Variants in KCNK2 observed in about 807,000 individuals in gnomAD.
The protein encoded by KCNK2 is potassium channel subfamily K member 2.
Under a neutral mutation model 40.5 loss-of-function variants are expected in KCNK2, and 21 were observed. The observed-to-expected ratio is 0.52, with a 90% CI of 0.37 to 0.75. The LOEUF (loss-of-function observed/expected upper bound fraction) is 0.75, where lower values mean the gene tolerates loss of function less well. KCNK2 is among the 30% of genes least tolerant of loss of function. The pLI is 0.00. For synonymous variants in KCNK2, 191 were observed against 202.2 expected, an observed-to-expected ratio of 0.94 and a Z score of 0.47; for missense variants, 399 against 531.6, an observed-to-expected ratio of 0.75 and a Z score of 2.45.
intron 1 of KCNK2, among the ~76,000 whole-genome samples, chr1:215,067,491 T>C (rs1376942863): frequency 6.6e-6 from 1 of 152,170 alleles, no homozygotes; most frequent in African/African-American, 2.4e-5. Flanking sequence ...ATCACAATCA[T>C]ATGTAATGGC....
intron 5 of KCNK2, among the ~76,000 whole-genome samples, chr1:215,189,545 A>C (rs930559498): frequency 5.9e-5 from 9 of 152,142 alleles, no homozygotes; most frequent in Non-Finnish European, 1.5e-5. Flanking sequence ...ACAAGTACCT[A>C]CAGGGACACG....
chr1:215,013,202 T>C (rs1485525697), intron 1 of KCNK2, among the ~76,000 whole-genome samples: 2 of 152,172 alleles, frequency 1.3e-5, no homozygotes, highest in Non-Finnish European at 2.9e-5. Context: ...TTTTGGCATA[T>C]GAATGTCCGA....
chr1:215,159,467 T>G (rs1663093552), intron 3 of KCNK2, among the ~76,000 whole-genome samples: 1 of 152,186 alleles, frequency 6.6e-6, no homozygotes, highest in South Asian at 2.1e-4. Flanking sequence ...CTTTCCCCTA[T>G]CAGGATCTAC....
intron 5 of KCNK2, among the ~76,000 whole-genome samples, chr1:215,183,755 C>G (rs1341611644): frequency 6.6e-6 from 1 of 152,110 alleles, no homozygotes; most frequent in Non-Finnish European, 1.5e-5. Flanking sequence ...TATTAAAATT[C>G]TCATTAGTGT....
At chr1:215,103,376 G>C (rs1571910932) in intron 2 of KCNK2, among the ~76,000 whole-genome samples, 1 of 151,708 alleles carries the variant, frequency 6.6e-6, no homozygotes, top group Non-Finnish European at 1.5e-5. Flanking sequence ...TAAGATAAAA[G>C]ATGTTTATTT....
chr1:215,012,852 T>C (rs1656455993), intron 1 of KCNK2, among the ~76,000 whole-genome samples: 1 of 152,036 alleles, frequency 6.6e-6, no homozygotes, highest in Non-Finnish European at 1.5e-5. Flanking sequence ...TAGCCATCTT[T>C]TATGGAGAAA....
chr1:215,070,190 C>T (rs1221748218), intron 1 of KCNK2, among the ~76,000 whole-genome samples: 3 of 151,630 alleles, frequency 2.0e-5, no homozygotes, highest in East Asian at 3.9e-4. Flanking sequence ...GTGGGCGGAT[C>T]ACAAGGTCAG....
intron 6 of KCNK2, among the ~76,000 whole-genome samples, chr1:215,205,508 G>C (rs998807690): frequency 2.0e-5 from 3 of 152,174 alleles, no homozygotes; most frequent in Non-Finnish European, 4.4e-5. Flanking sequence ...CTCCCAAAGT[G>C]CTGGGATTAC....
intron 2 of KCNK2, among the ~76,000 whole-genome samples, chr1:215,099,528 G>A (rs1660122354): frequency 6.6e-6 from 1 of 151,924 alleles, no homozygotes; most frequent in African/African-American, 2.4e-5. Context: ...CTTTTTAGAA[G>A]TACTTAAGGA....
chr1:215,164,467 G>A (rs1663353698), intron 3 of KCNK2, among the ~76,000 whole-genome samples: 1 of 151,984 alleles, frequency 6.6e-6, no homozygotes, highest in East Asian at 1.9e-4. Flanking sequence ...GCTTTTGAAT[G>A]TGTTTGCTCT....
rs1273096115 is a variant in KCNK2, at chr1:215,093,860, AT to A, written c.357+7183del. On this transcript the variant is annotated intron_variant, in intron 2 of 6. Coordinates refer to ENST00000444842, the MANE Select transcript of KCNK2 (RefSeq NM_001017425.3). Reference sequence around the variant, plus strand: ...ATATATTATATATTATATATTATATATAAAAATATATTATATATTATATATT... The same window carrying A: ...ATATATTATATATTATATATTATATAAAAAATATATTATATATTATATATT... Among the ~76,000 whole-genome samples the A allele has an allele frequency of 1.2e-4, 5 of 40,462 alleles. No homozygotes were observed. In the South Asian group the frequency reaches 1.7e-3, roughly 14 times the overall value. 26.5% of individuals were successfully genotyped at this position (40,462 alleles called of 152,430 possible). A position where few individuals can be genotyped will look rare whatever the true frequency, so the allele number is the denominator to read the frequency against.
At chr1:215,209,228 TA>T (rs555192914) in intron 6 of KCNK2, among the ~76,000 whole-genome samples, 180 of 130,970 alleles carry the variant, frequency 1.4e-3, no homozygotes, top group African/African-American at 5.0e-3. Context: ...TTTTTATATA[TA>T]AAATATATAT....
intron 1 of KCNK2, among the ~76,000 whole-genome samples, chr1:215,036,692 C>G (rs1410598887): frequency 6.6e-6 from 1 of 151,770 alleles, no homozygotes; most frequent in Non-Finnish European, 1.5e-5. Context: ...TAAATCTTTG[C>G]TGCTTATGAA....
At chr1:215,114,499 T>C (rs182454831) in intron 2 of KCNK2, among the ~76,000 whole-genome samples, 1 of 152,130 alleles carries the variant, frequency 6.6e-6, no homozygotes, top group African/African-American at 2.4e-5. Flanking sequence ...TCAAACAAAA[T>C]AGAGTTCAAC....
At chr1:215,040,727 G>T (rs1657533329) in intron 1 of KCNK2, among the ~76,000 whole-genome samples, 1 of 152,212 alleles carries the variant, frequency 6.6e-6, no homozygotes, top group South Asian at 2.1e-4. Flanking sequence ...GAGCAAACCA[G>T]TTCTCACATC....
At chr1:215,058,122 C>T (rs867836961) in intron 1 of KCNK2, among the ~76,000 whole-genome samples, 7 of 152,062 alleles carry the variant, frequency 4.6e-5, no homozygotes, top group South Asian at 4.2e-4. Flanking sequence ...TGCTAGTGGA[C>T]CTAATTGAAG....
rs192305578 is a variant in KCNK2 at position 215,218,364 on chromosome 1, A to G, written c.964-16464A>G. Among the ~76,000 whole-genome samples, 87 of 152,280 alleles carry G rather than the reference A, an allele frequency of 5.7e-4. 1 individual carries two copies. Among genetic ancestry groups the G allele is most frequent in the African/African-American group, 1.9e-3 (81 of 41,566 alleles). Reference sequence around the variant, plus strand: ...AAGGGGAATATTTTATAAATCAACCACATATTTACCACCTCAAATTTAACA... The same window carrying G: ...AAGGGGAATATTTTATAAATCAACCGCATATTTACCACCTCAAATTTAACA... On this transcript the variant is annotated intron_variant, in intron 6 of 6. Coordinates refer to ENST00000444842, the MANE Select transcript of KCNK2 (RefSeq NM_001017425.3).
At chr1:215,125,785 A>C (rs1257235210) in intron 3 of KCNK2, among the ~76,000 whole-genome samples, 4 of 75,088 alleles carry the variant, frequency 5.3e-5, no homozygotes, top group African/African-American at 1.2e-4. Context: ...TATAAAATAA[A>C]ATTTGAAAAA....
chr1:215,169,408 T>TA (rs1663596707), intron 4 of KCNK2, 49 bp downstream of exon 4: 4 of 1,388,752 alleles, frequency 2.9e-6, no homozygotes, highest in African/African-American at 2.9e-5. Context: ...TTGATTTTTT[T>TA]AAAAAATTAT....
Sources: gnomAD v4.1 joint callset for allele counts (sites outside exome capture counted in the v4.1 genomes callset) on GRCh38, gnomAD v4.1.1 for gene constraint, MANE v1.5 for transcripts, NCBI Gene and HGNC (gene_info 2026-07-23, HGNC 2026-07-21) for gene names.